The following PPARGC1A variants were observed in gnomAD, a reference collection of about 807,000 sequenced individuals.
The protein encoded by PPARGC1A is peroxisome proliferator-activated receptor gamma coactivator 1-alpha.
PPARGC1A carries 25 observed loss-of-function variants against 88.7 expected under a neutral mutation model. The ratio of observed to expected loss-of-function variants is 0.28; its 90% CI spans 0.21 to 0.39. The LOEUF (loss-of-function observed/expected upper bound fraction) is 0.39, where lower values mean the gene tolerates loss of function less well. Among genes scored for constraint, PPARGC1A ranks in the 10% least tolerant of loss-of-function variants. The pLI, the probability that PPARGC1A is intolerant of heterozygous loss-of-function variation, is 1.00. For missense variants in PPARGC1A, 880 were observed against 968.7 expected, an observed-to-expected ratio of 0.91 and a Z score of 1.22; for synonymous variants, 363 against 355.6, an observed-to-expected ratio of 1.02 and a Z score of -0.24.
At chr4:23,943,874 A>G in the PPARGC1A span, among the ~76,000 whole-genome samples, 2 of 152,126 alleles carry the variant, frequency 1.3e-5, no homozygotes, top group Non-Finnish European at 2.9e-5. Flanking sequence ...CATGAGAAAA[A>G]CATCAGACAA....
intron 2 of PPARGC1A, among the ~76,000 whole-genome samples, chr4:23,850,672 G>A (rs1366988703): frequency 3.3e-5 from 5 of 152,208 alleles, no homozygotes; most frequent in African/African-American, 4.8e-5. Flanking sequence ...CGCTCTTGCT[G>A]TGCACTAGGG....
chr4:24,115,698 C>T, the PPARGC1A span, among the ~76,000 whole-genome samples: 16 of 152,230 alleles, frequency 1.1e-4, 1 homozygote, highest in Middle Eastern at 3.4e-3. Context: ...CATATATCAA[C>T]GACATAGCAT....
At chr4:24,132,603 A>T in the PPARGC1A span, among the ~76,000 whole-genome samples, 1 of 152,160 alleles carries the variant, frequency 6.6e-6, no homozygotes, top group African/African-American at 2.4e-5. Flanking sequence ...AAATATATCT[A>T]ATGCAAAATG....
At chr4:24,433,491 G>A in the PPARGC1A span, among the ~76,000 whole-genome samples, 1 of 152,116 alleles carries the variant, frequency 6.6e-6, no homozygotes, top group African/African-American at 2.4e-5. Context: ...TTTAACCCAT[G>A]CTAATTATCA....
At chr4:24,149,587 C>G in the PPARGC1A span, among the ~76,000 whole-genome samples, 1 of 152,120 alleles carries the variant, frequency 6.6e-6, no homozygotes. Flanking sequence ...ATAATTTACA[C>G]ACATTTCCTG....
rs1157278042 is a variant in PPARGC1A, at chr4:23,831,673, C to G, written c.313G>C (p.Gly105Arg). The change falls in exon 3 of 13, where the codon GGA (glycine) becomes CGA (arginine). Residue 105 changes from glycine to arginine, a missense_variant. By Grantham distance (125) the Gly-to-Arg change is moderately radical. Coordinates refer to ENST00000264867, the MANE Select transcript of PPARGC1A (RefSeq NM_013261.5). ...TLDSLPVDED[G>R]LPSFDALTDG... The stretch of plus-strand genomic sequence containing the variant: ...GTCAGCGCATCAAATGAGGGCAATC[C>G]GTCTTCATCCACAGGGAGACTGTCT... 1 of 1,613,750 alleles carries G rather than the reference C, an allele frequency of 6.2e-7. No individual in the cohort carries two copies. Among genetic ancestry groups the G allele is most frequent in the African/African-American group, 1.3e-5 (1 of 74,900 alleles).
At chr4:24,004,597 G>A in the PPARGC1A span, among the ~76,000 whole-genome samples, 1 of 152,146 alleles carries the variant, frequency 6.6e-6, no homozygotes, top group Non-Finnish European at 1.5e-5. Flanking sequence ...AAATTTCCAA[G>A]GATGTTCAGA....
chr4:24,419,161 G>A, the PPARGC1A span, among the ~76,000 whole-genome samples: 1 of 152,098 alleles, frequency 6.6e-6, no homozygotes, highest in African/African-American at 2.4e-5. Context: ...ATGACACTTA[G>A]CATCTTCCAG....
chr4:24,251,908 A>G, the PPARGC1A span, among the ~76,000 whole-genome samples: 4 of 151,714 alleles, frequency 2.6e-5, no homozygotes, highest in African/African-American at 9.7e-5. Flanking sequence ...CAGACTTAGT[A>G]AACCCACACT....
chr4:24,046,862 C>A, the PPARGC1A span, among the ~76,000 whole-genome samples: 1 of 152,248 alleles, frequency 6.6e-6, no homozygotes, highest in African/African-American at 2.4e-5. Flanking sequence ...ATGCAAAGGT[C>A]CACCATAGAG....
intron 1 of PPARGC1A, among the ~76,000 whole-genome samples, chr4:23,895,102 A>G (rs1236690278): frequency 6.9e-6 from 1 of 144,396 alleles, no homozygotes; most frequent in Non-Finnish European, 1.5e-5. Context: ...TTTTTTTTTC[A>G]CACTAGCTGA....
chr4:24,241,586 C>G, the PPARGC1A span, among the ~76,000 whole-genome samples: 2 of 152,278 alleles, frequency 1.3e-5, no homozygotes, highest in South Asian at 4.1e-4. Flanking sequence ...CATTCTTATA[C>G]CCATTAAAAT....
chr4:24,204,204 G>A, the PPARGC1A span, among the ~76,000 whole-genome samples: 8 of 152,270 alleles, frequency 5.3e-5, 1 homozygote, highest in African/African-American at 1.9e-4. Flanking sequence ...GAGTTAAGGG[G>A]CCTACAAGGA....
At chr4:23,888,060 G>T (rs760251443) in intron 1 of PPARGC1A, among the ~76,000 whole-genome samples, 10 of 152,202 alleles carry the variant, frequency 6.6e-5, no homozygotes, top group Non-Finnish European at 1.5e-4. Context: ...GTTTTAGGAT[G>T]ACAGCAAACA....
chr4:24,015,652 T>G, the PPARGC1A span, among the ~76,000 whole-genome samples: 1 of 152,044 alleles, frequency 6.6e-6, no homozygotes, highest in African/African-American at 2.4e-5. Flanking sequence ...TGTGTGTGAG[T>G]GTAATGCACT....
chr4:24,123,892 TA>T, the PPARGC1A span, among the ~76,000 whole-genome samples: 1 of 138,864 alleles, frequency 7.2e-6, no homozygotes, highest in Non-Finnish European at 1.5e-5. Context: ...GCTTGATTCC[TA>T]TAGGAATCTA....
At chr4:24,369,503 C>T in the PPARGC1A span, among the ~76,000 whole-genome samples, 520 of 151,952 alleles carry the variant, frequency 3.4e-3, 6 homozygotes, top group African/African-American at 0.012. Flanking sequence ...TTATTATAAC[C>T]CTATGAAGTA....
At chr4:23,849,251 C>T (rs1728852835) in intron 2 of PPARGC1A, among the ~76,000 whole-genome samples, 1 of 152,144 alleles carries the variant, frequency 6.6e-6, no homozygotes, top group African/African-American at 2.4e-5. Flanking sequence ...CCTACTATTC[C>T]TCTAATGATG....
At chr4:24,440,157 A>T in the PPARGC1A span, among the ~76,000 whole-genome samples, 42 of 152,214 alleles carry the variant, frequency 2.8e-4, no homozygotes, top group African/African-American at 8.0e-4. Context: ...CTGAACTGTT[A>T]TCTCAATATT....
Sources: allele counts gnomAD v4.1 joint callset (sites outside exome capture counted in the v4.1 genomes callset), GRCh38; gene constraint gnomAD v4.1.1; transcripts MANE v1.5; gene names NCBI Gene and HGNC (gene_info 2026-07-23, HGNC 2026-07-21).